KCNIP4: variants seen among roughly 807,000 people sequenced by gnomAD.
The protein encoded by KCNIP4 is potassium voltage-gated channel interacting protein 4, also known as Kv channel-interacting protein 4.
In KCNIP4, 12 loss-of-function variants were observed where a neutral mutation model predicts 34.0. That is an observed-to-expected ratio of 0.35 (90% confidence interval 0.23 to 0.57). The LOEUF (loss-of-function observed/expected upper bound fraction) is 0.57. KCNIP4 is among the 20% of genes least tolerant of loss of function. KCNIP4 has a pLI of 0.83. For synonymous variants in KCNIP4, 124 were observed against 102.2 expected, an observed-to-expected ratio of 1.21 and a Z score of -1.29; for missense variants, 238 against 311.7, an observed-to-expected ratio of 0.76 and a Z score of 1.78.
intron 1 of KCNIP4, among the ~76,000 whole-genome samples, chr4:21,465,698 T>G (rs1036152839): frequency 8.5e-5 from 13 of 152,140 alleles, no homozygotes; most frequent in African/African-American, 3.1e-4. Context: ...TGAAAAATAT[T>G]TATTTCACAG....
At chr4:21,264,905 C>T (rs1260050775) in intron 1 of KCNIP4, among the ~76,000 whole-genome samples, 1 of 151,942 alleles carries the variant, frequency 6.6e-6, no homozygotes, top group African/African-American at 2.4e-5. Flanking sequence ...CGAGACCAGC[C>T]TGGCCAACAT....
At chr4:21,528,689 AAG>A (rs1219282823) in intron 1 of KCNIP4, among the ~76,000 whole-genome samples, 1 of 1,782 alleles carries the variant, frequency 5.6e-4, no homozygotes, top group East Asian at 0.045. Context: ...GAAAGAAAGA[AAG>A]AAAGAAAGAA....
At chr4:21,679,845 C>T (rs568792637) in intron 1 of KCNIP4, among the ~76,000 whole-genome samples, 1 of 152,248 alleles carries the variant, frequency 6.6e-6, no homozygotes, top group South Asian at 2.1e-4. Context: ...AATGGACATA[C>T]CTTAAATTAA....
chr4:20,882,794 G>C, intron 1 of KCNIP4, 85 bp from the exon 2 acceptor site: 1 of 1,035,416 alleles, frequency 9.7e-7, no homozygotes, highest in Admixed American at 1.9e-5. Flanking sequence ...AAGCCAGGCA[G>C]GAAGGATCAG....
In KCNIP4 at chr4:21,785,615, A is replaced by AAAT. The variant is rs1227924532; in HGVS notation, c.61+162955_61+162956insATT. The stretch of plus-strand genomic sequence containing the variant: ...TCAATAAATAAATAAATAAATAAAT[A>AAAT]AAATAAAAAAATAACCATGAGCTAT... On this transcript the variant is annotated intron_variant, in intron 1 of 8. Coordinates refer to ENST00000382152, the MANE Select transcript of KCNIP4 (RefSeq NM_025221.6). 8.1e-3 allele frequency among the ~76,000 whole-genome samples: 1,107 copies of AAAT among 136,792 alleles called. 18 individuals carry two copies. Among genetic ancestry groups the AAAT allele is most frequent in the African/African-American group, 0.03 (1,052 of 35,494 alleles). The allele number at this position is 136,792 out of a possible 152,430, so 89.7% of individuals were successfully genotyped here.
chr4:21,756,277 C>T (rs1338357967), intron 1 of KCNIP4, among the ~76,000 whole-genome samples: 1 of 152,056 alleles, frequency 6.6e-6, no homozygotes, highest in Non-Finnish European at 1.5e-5. Context: ...ATCTGTTGGC[C>T]GGGCACAGTG....
At chr4:20,813,535 G>A (rs1362566157) in intron 3 of KCNIP4, among the ~76,000 whole-genome samples, 1 of 152,096 alleles carries the variant, frequency 6.6e-6, no homozygotes, top group Non-Finnish European at 1.5e-5. Context: ...AGGTTTTTGT[G>A]AGGGTAAAAT....
intron 1 of KCNIP4, among the ~76,000 whole-genome samples, chr4:21,512,711 G>C (rs1334801854): frequency 6.6e-6 from 1 of 152,154 alleles, no homozygotes; most frequent in Non-Finnish European, 1.5e-5. Flanking sequence ...AGCATCTTAT[G>C]TTTGCTGTAA....
intron 1 of KCNIP4, among the ~76,000 whole-genome samples, chr4:20,972,594 A>T (rs116637450): frequency 0.025 from 3,821 of 152,282 alleles, 153 homozygotes; most frequent in African/African-American, 0.086. Flanking sequence ...ATGTGTTGTC[A>T]TTCAGGCTTT....
chr4:21,443,910 C>A (rs1727717857), intron 1 of KCNIP4, among the ~76,000 whole-genome samples: 2 of 152,048 alleles, frequency 1.3e-5, no homozygotes, highest in Admixed American at 1.3e-4. Flanking sequence ...AGCCTGGAAT[C>A]AAACAGACAC....
intron 1 of KCNIP4, among the ~76,000 whole-genome samples, chr4:21,725,210 T>C (rs1577906238): frequency 1.3e-5 from 2 of 152,164 alleles, no homozygotes; most frequent in African/African-American, 2.4e-5. Context: ...AAAATCAGAC[T>C]TCTTAGTAAA....
At chr4:21,311,696 G>GA (rs57717250) in intron 1 of KCNIP4, among the ~76,000 whole-genome samples, 109 of 144,688 alleles carry the variant, frequency 7.5e-4, no homozygotes, top group African/African-American at 2.9e-3. Context: ...TCAAAAAAAA[G>GA]AAAAAAAATG....
chr4:20,840,488 T>G (rs1719585920), intron 3 of KCNIP4, among the ~76,000 whole-genome samples: 1 of 152,168 alleles, frequency 6.6e-6, no homozygotes, highest in African/African-American at 2.4e-5. Flanking sequence ...TTGGACCATA[T>G]GACTGAGCTC....
intron 5 of KCNIP4, among the ~76,000 whole-genome samples, chr4:20,740,928 T>C (rs1250120338): frequency 1.3e-5 from 2 of 151,978 alleles, no homozygotes; most frequent in African/African-American, 4.8e-5. Context: ...AATCCTAGTC[T>C]CTGATAAAAC....
At chr4:21,797,194 C>A (rs1720681380) in intron 1 of KCNIP4, among the ~76,000 whole-genome samples, 1 of 152,172 alleles carries the variant, frequency 6.6e-6, no homozygotes, top group African/African-American at 2.4e-5. Flanking sequence ...GTCACTCAGA[C>A]TAAAGTGCAG....
At chr4:21,137,865 C>T (rs1751620328) in intron 1 of KCNIP4, among the ~76,000 whole-genome samples, 1 of 121,568 alleles carries the variant, frequency 8.2e-6, no homozygotes, top group Non-Finnish European at 1.7e-5. Context: ...TTTTCCCTTA[C>T]ACAGGCTTTT....
chr4:21,251,798 T>C lies in KCNIP4; in HGVS notation c.62-369089A>G, dbSNP rs977693998. On this transcript the variant is annotated intron_variant, in intron 1 of 8. Transcript: ENST00000382152. ...AACACCGCATATTCTCACTCATAGGTGGGAATTGAACAATGAGAACACATG... is the reference window on the plus strand; with the variant it reads ...AACACCGCATATTCTCACTCATAGGCGGGAATTGAACAATGAGAACACATG... Among the ~76,000 whole-genome samples the C allele has an allele frequency of 6.5e-5, 9 of 138,428 alleles. No homozygotes were observed. In the East Asian group the frequency reaches 1.3e-3, roughly 20 times the overall value. 90.8% of individuals were successfully genotyped at this position (138,428 alleles called of 152,430 possible).
chr4:21,390,595 G>C (rs904989276), intron 1 of KCNIP4, among the ~76,000 whole-genome samples: 2 of 152,114 alleles, frequency 1.3e-5, no homozygotes, highest in Non-Finnish European at 1.5e-5. Context: ...TCAGGTTTGT[G>C]AAAGATCAGA....
At chr4:20,757,160 C>A (rs1754547450) in intron 4 of KCNIP4, among the ~76,000 whole-genome samples, 1 of 152,126 alleles carries the variant, frequency 6.6e-6, no homozygotes, top group Admixed American at 6.6e-5. Context: ...TCACAAACTC[C>A]TCTCTTCATC....
Sources: gnomAD v4.1 joint callset for allele counts (sites outside exome capture counted in the v4.1 genomes callset) on GRCh38, gnomAD v4.1.1 for gene constraint, MANE v1.5 for transcripts, NCBI Gene and HGNC (gene_info 2026-07-23, HGNC 2026-07-21) for gene names.